Variants in SPATA6 observed in about 807,000 individuals in gnomAD.
The protein encoded by SPATA6 is spermatogenesis associated 6.
Under a neutral mutation model 65.3 loss-of-function variants are expected in SPATA6, and 56 were observed. The ratio of observed to expected loss-of-function variants is 0.86; its 90% CI spans 0.69 to 1.07. SPATA6 has a LOEUF of 1.07. Among genes scored for constraint, SPATA6 ranks in the 50% least tolerant of loss-of-function variants. The pLI, the probability that SPATA6 is intolerant of heterozygous loss-of-function variation, is 0.00. For synonymous variants in SPATA6, 199 were observed against 213.2 expected, an observed-to-expected ratio of 0.93 and a Z score of 0.58; for missense variants, 590 against 594.8, an observed-to-expected ratio of 0.99 and a Z score of 0.08.
intron 3 of SPATA6, among the ~76,000 whole-genome samples, chr1:48,442,390 T>C (rs1655577009): frequency 6.6e-6 from 1 of 152,118 alleles, no homozygotes; most frequent in Admixed American, 6.6e-5. Flanking sequence ...AAGGAAATCA[T>C]GGAGTTACTG....
intron 3 of SPATA6, among the ~76,000 whole-genome samples, chr1:48,416,395 T>A (rs1652789043): frequency 6.6e-6 from 1 of 152,082 alleles, no homozygotes; most frequent in Non-Finnish European, 1.5e-5. Flanking sequence ...TAATGATGTA[T>A]GAAAAAATCA....
chr1:48,400,223 G>A (rs748612436), intron 6 of SPATA6, among the ~76,000 whole-genome samples: 6 of 151,534 alleles, frequency 4.0e-5, no homozygotes, highest in South Asian at 4.2e-4. Flanking sequence ...GCTCCCTTCC[G>A]AGCTGTAACT....
intron 3 of SPATA6, among the ~76,000 whole-genome samples, chr1:48,438,035 A>G (rs181391495): frequency 1.1e-3 from 168 of 152,174 alleles, no homozygotes; most frequent in African/African-American, 3.9e-3. Flanking sequence ...GGGACAAATA[A>G]AGGAACAAAA....
the SPATA6 span, among the ~76,000 whole-genome samples, chr1:48,282,298 C>A: frequency 2.0e-5 from 3 of 152,132 alleles, no homozygotes; most frequent in South Asian, 2.1e-4. Flanking sequence ...TCTAAAACAC[C>A]AAAAGCAATG....
intron 11 of SPATA6, among the ~76,000 whole-genome samples, chr1:48,343,067 C>CA (rs1029900159): frequency 1.1e-4 from 16 of 152,008 alleles, no homozygotes; most frequent in Admixed American, 7.9e-4. Flanking sequence ...TTCAAAATAA[C>CA]AAAAAAATGC....
intron 9 of SPATA6, among the ~76,000 whole-genome samples, chr1:48,370,931 C>G (rs968719778): frequency 6.6e-6 from 1 of 152,088 alleles, no homozygotes; most frequent in Non-Finnish European, 1.5e-5. Flanking sequence ...AACAAACTGA[C>G]AAACTTTCTG....
intron 9 of SPATA6, among the ~76,000 whole-genome samples, chr1:48,364,429 G>A (rs1285319988): frequency 2.0e-5 from 3 of 152,198 alleles, no homozygotes; most frequent in Non-Finnish European, 4.4e-5. Flanking sequence ...CAGTGTAAAA[G>A]TGTTCCTATT....
At chr1:48,314,840 TA>T (rs529304565) in intron 11 of SPATA6, among the ~76,000 whole-genome samples, 2,238 of 151,558 alleles carry the variant, frequency 0.015, 46 homozygotes, top group African/African-American at 0.05. Flanking sequence ...ATAAACGCAA[TA>T]AAAAAATGAT....
At chr1:48,382,344 C>T (rs1570391349) in intron 9 of SPATA6, among the ~76,000 whole-genome samples, 2 of 82,286 alleles carry the variant, frequency 2.4e-5, no homozygotes, top group African/African-American at 1.0e-4. Flanking sequence ...GCTGACCCCC[C>T]CACCACCCTC....
Position 48,298,627 on chromosome 1 carries a change from A to T in SPATA6, c.*86T>A, listed in dbSNP as rs527462674. On this transcript the variant is annotated 3_prime_UTR_variant, in exon 13 of 13. Transcript: ENST00000371847. Reference sequence around the variant, plus strand: ...ACTTAGTTATAATCCCATTTTTTTTAAAAAAAGGAATACAGATATTGATCA... The same window carrying T: ...ACTTAGTTATAATCCCATTTTTTTTTAAAAAAGGAATACAGATATTGATCA... The T allele has an allele frequency of 1.6e-4, 209 of 1,306,068 alleles. 2 individuals are homozygous for T. Among genetic ancestry groups the T allele is most frequent in the East Asian group, 8.3e-4 (35 of 42,124 alleles). The allele number at this position is 1,306,068 out of a possible 1,614,324, so 80.9% of individuals were successfully genotyped here.
intron 11 of SPATA6, among the ~76,000 whole-genome samples, chr1:48,330,000 G>C (rs1645869684): frequency 6.6e-6 from 1 of 152,206 alleles, no homozygotes. Flanking sequence ...TTGGGCCCTG[G>C]AGCAGACCAG....
chr1:48,408,026 T>A (rs1347736650), intron 5 of SPATA6, among the ~76,000 whole-genome samples: 1 of 152,250 alleles, frequency 6.6e-6, no homozygotes, highest in Non-Finnish European at 1.5e-5. Context: ...ACTTTCATAG[T>A]ACAGAAGCAT....
At chr1:48,404,309 A>G (rs1651475613) in intron 5 of SPATA6, among the ~76,000 whole-genome samples, 1 of 152,206 alleles carries the variant, frequency 6.6e-6, no homozygotes, top group African/African-American at 2.4e-5. Context: ...ACGTATACAT[A>G]TATCAAACAT....
intron 9 of SPATA6, among the ~76,000 whole-genome samples, chr1:48,361,556 C>T (rs1254044005): frequency 2.6e-5 from 4 of 152,052 alleles, no homozygotes; most frequent in South Asian, 2.1e-4. Flanking sequence ...AGTTTTGGGA[C>T]TACAATAGTG....
downstream of SPATA6, among the ~76,000 whole-genome samples, chr1:48,290,646 A>T (rs1220476549): frequency 6.6e-6 from 1 of 152,146 alleles, no homozygotes; most frequent in Non-Finnish European, 1.5e-5. Flanking sequence ...AAAGGGATGG[A>T]GGAAGATCAA....
chr1:48,340,092 T>A (rs1416502908), intron 11 of SPATA6, among the ~76,000 whole-genome samples: 4 of 151,576 alleles, frequency 2.6e-5, no homozygotes, highest in Non-Finnish European at 2.9e-5. Flanking sequence ...ATGGAAGATA[T>A]CAGATAATAG....
rs1644843855 is a variant in SPATA6 at position 48,297,957 on chromosome 1, C to T, written c.*756G>A. The T allele has an allele frequency of 6.6e-6, 1 of 151,880 alleles. No homozygotes were observed. The highest frequency in any genetic ancestry group is 2.4e-5 in the African/African-American group (1 of 41,344). 9.4% of individuals were successfully genotyped at this position (151,880 alleles called of 1,614,324 possible). On this transcript the variant is annotated 3_prime_UTR_variant, in exon 13 of 13. Coordinates refer to ENST00000371847, the MANE Select transcript of SPATA6 (RefSeq NM_019073.4). ...TTATTTTTAGGTTTCTATAAGCTTA[C>T]TAACAGAGGCCATTTTCTGATTCTG...
At chr1:48,337,042 C>A (rs919348721) in intron 11 of SPATA6, among the ~76,000 whole-genome samples, 2 of 151,902 alleles carry the variant, frequency 1.3e-5, no homozygotes, top group African/African-American at 4.8e-5. Context: ...TATTTCCCAA[C>A]CACTATTTCC....
chr1:48,450,379 T>C (rs547989494), intron 3 of SPATA6, among the ~76,000 whole-genome samples: 238 of 148,036 alleles, frequency 1.6e-3, no homozygotes, highest in Non-Finnish European at 3.0e-3. Context: ...AGAAAGAAAA[T>C]TTCCAAAAAA....
Sources: allele counts gnomAD v4.1 joint callset (sites outside exome capture counted in the v4.1 genomes callset), GRCh38; gene constraint gnomAD v4.1.1; transcripts MANE v1.5; gene names NCBI Gene and HGNC (gene_info 2026-07-23, HGNC 2026-07-21).